Variants in IL36B observed in about 807,000 individuals in gnomAD.
IL36B encodes interleukin 36 beta.
A neutral mutation model predicts 19.3 loss-of-function variants in IL36B; 23 were observed. The observed-to-expected ratio is 1.19, with a 90% CI of 0.86 to 1.69. The LOEUF (loss-of-function observed/expected upper bound fraction) is 1.69, where lower values mean the gene tolerates loss of function less well. Among genes scored for constraint, IL36B ranks in the 40% most tolerant of loss-of-function variants. The probability of loss-of-function intolerance (pLI) is 0.00; values close to 1 mark genes in which losing one functional copy is unlikely to be tolerated. For missense variants in IL36B, 217 were observed against 200.5 expected (o/e 1.08, Z -0.50); for synonymous variants, 59 against 59.7 (o/e 0.99, Z 0.05).
At chr2:113,036,187 C>T (rs1036853866) in intron 1 of IL36B, among the ~76,000 whole-genome samples, 1 of 152,144 alleles carries the variant, frequency 6.6e-6, no homozygotes, top group Non-Finnish European at 1.5e-5. Context: ...CTCAAATGAT[C>T]TGCCTGCCTC....
rs1187649300 is a variant in IL36B, at chr2:113,022,761, C to T, written c.408G>A (p.Lys136=). 1 of 1,610,658 alleles carries T rather than the reference C, an allele frequency of 6.2e-7. No homozygotes were observed. The change falls in exon 6 of 6, where the codon AAG becomes AAA. Residue 136 remains lysine, a synonymous_variant. Transcript: ENST00000259213. The stretch of plus-strand genomic sequence containing the variant: ...TGAGATGGTGATGTTGAAAGGAACT[C>T]TTCCACTTCTTTCTACCTGCAGGAA...
rs199927949 is a variant in IL36B at position 113,031,125 on chromosome 2, C to T, written c.44G>A (p.Arg15His). 94 of 1,613,974 alleles carry T rather than the reference C, an allele frequency of 5.8e-5. No individual in the cohort carries two copies. The highest frequency in any genetic ancestry group is 7.5e-5 in the Non-Finnish European group (88 of 1,179,938). ...GACCCACACCATCTGTCGAGAATCA[C>T]GAATAGCATAGGATTTGGGTGCTGC... Residue 15 changes from arginine to histidine, a missense_variant, in exon 3 of 6, where the codon CGT becomes CAT. Physicochemically the swap from Arg to His is conservative, Grantham distance 29. Transcript: ENST00000259213.
rs1250475124 is a variant in IL36B at position 113,029,024 on chromosome 2, C to T, written c.176G>A (p.Gly59Asp). ...CTTGATTCCCAGGTAAACCATATTA[C>T]CCTTTTCCTTGTCACTGAATTCTGT... The change falls in exon 4 of 6, where the codon GGT (glycine) becomes GAT (aspartate). Residue 59 changes from glycine (G) to aspartate (D), a missense_variant. Gly to Asp is a moderately conservative substitution (Grantham distance 94, BLOSUM62 -1). Transcript: ENST00000259213. 6.2e-7 allele frequency: 1 copy of T among 1,613,710 alleles called. No homozygotes were observed. Among genetic ancestry groups the T allele is most frequent in the Non-Finnish European group, 8.5e-7 (1 of 1,179,764 alleles).
chr2:113,034,380 G>A (rs534879122), intron 1 of IL36B, among the ~76,000 whole-genome samples: 1 of 152,138 alleles, frequency 6.6e-6, no homozygotes, highest in Non-Finnish European at 1.5e-5. Context: ...TCCCCAGCCA[G>A]CCTATCTCCA....
intron 1 of IL36B, among the ~76,000 whole-genome samples, chr2:113,036,877 G>A (rs1245941685): frequency 6.6e-6 from 1 of 152,224 alleles, no homozygotes; most frequent in East Asian, 1.9e-4. Context: ...ATCTAGGACG[G>A]CACTGCCCTG....
At chr2:113,032,151 G>GTT (rs1262339220) in intron 1 of IL36B, among the ~76,000 whole-genome samples, 13 of 151,828 alleles carry the variant, frequency 8.6e-5, no homozygotes, top group Non-Finnish European at 1.5e-5. Context: ...GTGTGTGTGT[G>GTT]TGTGTGTGTG....
At chr2:113,026,023 G>T in intron 5 of IL36B, 1 of 1,550,070 alleles carries the variant, frequency 6.5e-7, no homozygotes, top group Non-Finnish European at 8.7e-7. Context: ...ATACTGCTGG[G>T]ATCCTCTGAG....
At chr2:113,032,541 G>T (rs186524842) in intron 1 of IL36B, among the ~76,000 whole-genome samples, 4 of 152,252 alleles carry the variant, frequency 2.6e-5, no homozygotes, top group South Asian at 2.1e-4. Context: ...CTTGTAAGCA[G>T]CCCTGGATCC....
At chr2:113,031,614 A>C in intron 2 of IL36B, 83 bp downstream of exon 2, 1 of 1,195,236 alleles carries the variant, frequency 8.4e-7, no homozygotes, top group South Asian at 1.2e-5. Flanking sequence ...TAGCTTAGCA[A>C]ATGATAGGGG....
intron 1 of IL36B, among the ~76,000 whole-genome samples, 170 bp downstream of exon 1, chr2:113,052,647 A>G (rs1358055312): frequency 6.6e-6 from 1 of 152,262 alleles, no homozygotes; most frequent in African/African-American, 2.4e-5. Context: ...AAAACCTCAC[A>G]GCATATTCTG....
At chr2:113,037,695 C>T (rs866077293) in intron 1 of IL36B, among the ~76,000 whole-genome samples, 15 of 151,106 alleles carry the variant, frequency 9.9e-5, no homozygotes, top group African/African-American at 3.4e-4. Context: ...TGATTTTGTA[C>T]AGTCTTTATA....
intron 1 of IL36B, among the ~76,000 whole-genome samples, chr2:113,037,319 A>G (rs1405083181): frequency 6.6e-6 from 1 of 152,218 alleles, no homozygotes; most frequent in East Asian, 1.9e-4. Context: ...AGAGAGTACA[A>G]CTTTGTGGCT....
intron 4 of IL36B, among the ~76,000 whole-genome samples, chr2:113,027,075 T>C (rs1684975688): frequency 6.6e-6 from 1 of 152,250 alleles, no homozygotes; most frequent in African/African-American, 2.4e-5. Context: ...TTATATAATG[T>C]ATTCTTACAA....
chr2:113,023,337 G>C (rs762603918), intron 5 of IL36B, among the ~76,000 whole-genome samples: 1 of 152,190 alleles, frequency 6.6e-6, no homozygotes, highest in Non-Finnish European at 1.5e-5. Flanking sequence ...TTGTTGTTTG[G>C]GGTTCAAACT....
intron 1 of IL36B, among the ~76,000 whole-genome samples, chr2:113,034,449 G>A (rs1685131083): frequency 6.6e-6 from 1 of 151,962 alleles, no homozygotes; most frequent in East Asian, 1.9e-4. Context: ...TTCATAAAAT[G>A]TATGCTTCCA....
intron 1 of IL36B, among the ~76,000 whole-genome samples, chr2:113,051,919 C>T (rs1685453245): frequency 6.6e-6 from 1 of 151,832 alleles, no homozygotes; most frequent in South Asian, 2.1e-4. Context: ...TGCACCAACT[C>T]TGTTGGTTTC....
intron 1 of IL36B, among the ~76,000 whole-genome samples, chr2:113,032,538 G>A (rs1166677263): frequency 6.6e-6 from 1 of 152,174 alleles, no homozygotes; most frequent in Admixed American, 6.5e-5. Context: ...ACCCTTGTAA[G>A]CAGCCCTGGA....
At chr2:113,044,276 G>GTA (rs1427449668) in intron 1 of IL36B, among the ~76,000 whole-genome samples, 1 of 109,424 alleles carries the variant, frequency 9.1e-6, no homozygotes, top group Admixed American at 7.6e-5. Flanking sequence ...GTGTGTGTGT[G>GTA]TGTGTGTGTG....
chr2:113,030,238 A>G (rs919742739), intron 3 of IL36B, among the ~76,000 whole-genome samples: 1 of 152,118 alleles, frequency 6.6e-6, no homozygotes, highest in Admixed American at 6.5e-5. Flanking sequence ...TTTAAAAAAA[A>G]AAAAGGGAGA....
Sources: allele counts gnomAD v4.1 joint callset (sites outside exome capture counted in the v4.1 genomes callset), GRCh38; gene constraint gnomAD v4.1.1; transcripts MANE v1.5; gene names NCBI Gene and HGNC (gene_info 2026-07-23, HGNC 2026-07-21).